Variants in NAALADL2 observed in about 807,000 individuals in gnomAD.
The protein encoded by NAALADL2 is N-acetylated alpha-linked acidic dipeptidase like 2.
NAALADL2 carries 76 observed loss-of-function variants against 87.2 expected under a neutral mutation model. The observed-to-expected ratio is 0.87, with a 90% CI of 0.72 to 1.05. NAALADL2 has a LOEUF of 1.05. Ranked by LOEUF, NAALADL2 falls within the 50% of genes least tolerant of loss-of-function variation. The pLI is 0.00. For synonymous variants in NAALADL2, 354 were observed against 331.0 expected (o/e 1.07, Z -0.75); for missense variants, 1,089 against 945.8 (o/e 1.15, Z -1.99).
At chr3:175,106,515 A>T (rs887293459) in intron 2 of NAALADL2, among the ~76,000 whole-genome samples, 2 of 152,076 alleles carry the variant, frequency 1.3e-5, no homozygotes, top group Non-Finnish European at 2.9e-5. Context: ...AAGGAACAGG[A>T]TCAGTCAGTT....
intron 4 of NAALADL2, among the ~76,000 whole-genome samples, chr3:175,259,792 C>T (rs376605861): frequency 2.6e-5 from 4 of 152,244 alleles, no homozygotes; most frequent in African/African-American, 7.2e-5. Flanking sequence ...ACCTGTAATG[C>T]CAGCACCTTT....
intron 4 of NAALADL2, among the ~76,000 whole-genome samples, chr3:175,318,324 C>T (rs1759411029): frequency 1.3e-5 from 2 of 151,792 alleles, no homozygotes; most frequent in African/African-American, 2.4e-5. Context: ...GTCTAGACAC[C>T]CCATCAAGTT....
chr3:175,700,965 A>G (rs1375646615), intron 11 of NAALADL2, among the ~76,000 whole-genome samples: 4 of 152,064 alleles, frequency 2.6e-5, no homozygotes, highest in South Asian at 2.1e-4. Flanking sequence ...ATTGGTAATG[A>G]AATGGTACTA....
intron 5 of NAALADL2, among the ~76,000 whole-genome samples, chr3:175,408,613 T>C (rs1234786346): frequency 6.6e-6 from 1 of 152,048 alleles, no homozygotes; most frequent in Non-Finnish European, 1.5e-5. Context: ...ATATAATGTT[T>C]CAGAATGAAT....
chr3:174,750,762 G>A (rs939405665), intron 3 of NAALADL2, among the ~76,000 whole-genome samples: 1 of 152,072 alleles, frequency 6.6e-6, no homozygotes, highest in African/African-American at 2.4e-5. Context: ...TGTAAATAAA[G>A]CATTGGAAAG....
intron 3 of NAALADL2, among the ~76,000 whole-genome samples, chr3:174,756,321 C>T (rs1712072546): frequency 6.6e-6 from 1 of 152,168 alleles, no homozygotes; most frequent in Non-Finnish European, 1.5e-5. Flanking sequence ...TGTCTTTGCT[C>T]TCAAATGTGC....
intron 1 of NAALADL2, among the ~76,000 whole-genome samples, chr3:174,516,718 CATAAGTT>C (rs1265041476): frequency 1.3e-5 from 2 of 151,900 alleles, no homozygotes; most frequent in African/African-American, 2.4e-5. Context: ...TGCTTAAAAT[CATAAGTT>C]AGTTGTGGAA....
At chr3:174,828,258 A>G (rs974710791) in intron 3 of NAALADL2, among the ~76,000 whole-genome samples, 5 of 152,212 alleles carry the variant, frequency 3.3e-5, no homozygotes, top group Admixed American at 6.5e-5. Context: ...GTGGCTCTCT[A>G]CAAAGAAAGC....
chr3:175,136,547 G>T (rs917309880), intron 2 of NAALADL2, among the ~76,000 whole-genome samples: 3 of 152,106 alleles, frequency 2.0e-5, no homozygotes. Context: ...CTATGTATTT[G>T]TTCCTCTTTA....
intron 2 of NAALADL2, among the ~76,000 whole-genome samples, chr3:174,625,938 TAA>T (rs923352143): frequency 1.3e-5 from 2 of 152,116 alleles, no homozygotes; most frequent in African/African-American, 4.8e-5. Context: ...GAATACAGGT[TAA>T]GTCATTTTAT....
intron 2 of NAALADL2, among the ~76,000 whole-genome samples, chr3:175,190,199 T>C (rs188436331): frequency 6.6e-6 from 1 of 151,226 alleles, no homozygotes; most frequent in East Asian, 2.0e-4. Context: ...GAAACAAAAA[T>C]AATTAAATAG....
At chr3:174,538,639 A>T (rs910317375) in intron 1 of NAALADL2, among the ~76,000 whole-genome samples, 1 of 152,078 alleles carries the variant, frequency 6.6e-6, no homozygotes, top group Admixed American at 6.6e-5. Context: ...TTTAAGTTGG[A>T]TAAGAAGCAT....
At chr3:175,714,423 C>G (rs1367267214) in intron 11 of NAALADL2, among the ~76,000 whole-genome samples, 1 of 152,154 alleles carries the variant, frequency 6.6e-6, no homozygotes, top group Non-Finnish European at 1.5e-5. Context: ...GATCACCATT[C>G]CAACTGGCAG....
intron 11 of NAALADL2, among the ~76,000 whole-genome samples, chr3:175,692,906 T>A (rs914492594): frequency 1.3e-5 from 2 of 152,146 alleles, no homozygotes; most frequent in African/African-American, 4.8e-5. Context: ...ATAATTACTC[T>A]GATATCAATT....
intron 1 of NAALADL2, among the ~76,000 whole-genome samples, chr3:174,971,303 A>AT (rs1743608745): frequency 1.3e-5 from 2 of 152,304 alleles, no homozygotes; most frequent in South Asian, 4.1e-4. Context: ...GATATTGTGG[A>AT]TTGGATTGAT....
intron 12 of NAALADL2, among the ~76,000 whole-genome samples, chr3:175,749,172 G>A (rs1746305847): frequency 9.8e-6 from 1 of 102,286 alleles, no homozygotes; most frequent in Non-Finnish European, 1.9e-5. Context: ...GAAGGGAGGG[G>A]AGGAGAAGGG....
At chr3:175,453,054 A>C (rs1721813726) in intron 6 of NAALADL2, among the ~76,000 whole-genome samples, 1 of 152,156 alleles carries the variant, frequency 6.6e-6, no homozygotes, top group Non-Finnish European at 1.5e-5. Context: ...TAAAAGACTT[A>C]AAGACAACCT....
intron 2 of NAALADL2, among the ~76,000 whole-genome samples, chr3:174,673,305 A>G (rs1199589981): frequency 1.3e-5 from 2 of 152,042 alleles, no homozygotes; most frequent in Non-Finnish European, 2.9e-5. Context: ...ATTAAATTTC[A>G]TAAAGAAGAA....
rs534668869 is a variant in NAALADL2 at position 175,718,447 on chromosome 3, T to C, written c.1897-18859T>C. ...TTAAAAAGGGGGGTGCTTCTGGGTA[T>C]TTAGGTCCACATTCTATTTTAAGGC... On this transcript the variant is annotated intron_variant, in intron 11 of 13. Coordinates refer to ENST00000454872, the MANE Select transcript of NAALADL2 (RefSeq NM_207015.3). 5 of 1,583,332 alleles carry C rather than the reference T, an allele frequency of 3.2e-6. No homozygotes were observed. The African/African-American group carries it at 4.0e-5, about 13-fold the overall frequency.
Sources: gnomAD v4.1 joint callset for allele counts (sites outside exome capture counted in the v4.1 genomes callset) on GRCh38, gnomAD v4.1.1 for gene constraint, MANE v1.5 for transcripts, NCBI Gene and HGNC (gene_info 2026-07-23, HGNC 2026-07-21) for gene names.